UCHL5: variants seen among roughly 807,000 people sequenced by gnomAD.
UCHL5 encodes the protein ubiquitin C-terminal hydrolase L5.
UCHL5 carries 34 observed loss-of-function variants against 53.8 expected under a neutral mutation model. That is an observed-to-expected ratio of 0.63 (90% CI 0.48 to 0.84). The LOEUF is 0.84. Among genes scored for constraint, UCHL5 ranks in the 40% least tolerant of loss-of-function variants. UCHL5 has a pLI of 0.00. For synonymous variants in UCHL5, 111 were observed against 126.3 expected (o/e 0.88, Z 0.81); for missense variants, 290 against 385.6 (o/e 0.75, Z 2.08).
At chr1:193,028,472 G>A (rs1571581647) in intron 6 of UCHL5, among the ~76,000 whole-genome samples, 1 of 152,126 alleles carries the variant, frequency 6.6e-6, no homozygotes, top group Middle Eastern at 3.4e-3. Context: ...AAAGTTTTAT[G>A]AATAGCCTAT....
At chr1:193,029,733 C>A in intron 3 of UCHL5, 76 bp from the exon 4 acceptor site, 1 of 1,150,968 alleles carries the variant, frequency 8.7e-7, no homozygotes, top group Non-Finnish European at 1.2e-6. Context: ...ACAATGGCCC[C>A]AAAACATGAA....
intron 3 of UCHL5, among the ~76,000 whole-genome samples, chr1:193,047,517 T>C (rs571156912): frequency 6.6e-6 from 1 of 152,052 alleles, no homozygotes; most frequent in Non-Finnish European, 1.5e-5. Context: ...AGCAATAAAA[T>C]AAAAGAAAAA....
chr1:193,024,874 A>G (rs1658559114), intron 7 of UCHL5, among the ~76,000 whole-genome samples: 1 of 152,168 alleles, frequency 6.6e-6, no homozygotes, highest in Admixed American at 6.5e-5. Context: ...TAGTAATTTG[A>G]ACTATGTAAA....
chr1:193,033,257 C>T (rs1662138786), intron 3 of UCHL5, among the ~76,000 whole-genome samples: 1 of 152,108 alleles, frequency 6.6e-6, no homozygotes, highest in Non-Finnish European at 1.5e-5. Context: ...AACCATCATT[C>T]TCAGCAAACT....
chr1:193,039,800 C>CAA (rs1664893706), intron 3 of UCHL5, among the ~76,000 whole-genome samples: 1 of 152,136 alleles, frequency 6.6e-6, no homozygotes, highest in Non-Finnish European at 1.5e-5. Context: ...AATACAGACA[C>CAA]ATAGACCAAT....
chr1:193,035,929 T>C (rs1015866656), intron 3 of UCHL5, among the ~76,000 whole-genome samples: 1 of 152,078 alleles, frequency 6.6e-6, no homozygotes, highest in Non-Finnish European at 1.5e-5. Flanking sequence ...CTCTTTATAA[T>C]AACATGTCAT....
intron 10 of UCHL5, among the ~76,000 whole-genome samples, chr1:193,019,457 G>T (rs953405544): frequency 6.7e-4 from 102 of 151,652 alleles, no homozygotes; most frequent in African/African-American, 2.0e-3. Context: ...GAACCTAGGA[G>T]AATAATAGTT....
chr1:193,050,141 T>G (rs1668560590), intron 2 of UCHL5, among the ~76,000 whole-genome samples: 1 of 152,128 alleles, frequency 6.6e-6, no homozygotes, highest in African/African-American at 2.4e-5. Context: ...AAAATAAGAA[T>G]ATAGTAAAAC....
chr1:193,055,290 T>C (rs910006846), intron 1 of UCHL5, among the ~76,000 whole-genome samples: 1 of 152,122 alleles, frequency 6.6e-6, no homozygotes, highest in Non-Finnish European at 1.5e-5. Context: ...ATAAAGATAA[T>C]GTGTCCCTAA....
chr1:193,020,935 G>T (rs571409085), intron 10 of UCHL5, among the ~76,000 whole-genome samples, 162 bp downstream of exon 10: 126 of 151,856 alleles, frequency 8.3e-4, no homozygotes, highest in African/African-American at 2.8e-3. Flanking sequence ...AGTCTCAATT[G>T]AACTAATTCT....
At chr1:193,027,785 G>C (rs1422114514) in intron 7 of UCHL5, 1 of 632,684 alleles carries the variant, frequency 1.6e-6, no homozygotes. Flanking sequence ...ATGAAATTTA[G>C]AGATTTTCTG....
At chr1:193,019,367 A>G (rs1656046593) in intron 10 of UCHL5, among the ~76,000 whole-genome samples, 1 of 151,718 alleles carries the variant, frequency 6.6e-6, no homozygotes, top group African/African-American at 2.4e-5. Context: ...TGCCTGGAAT[A>G]TCCTCGCAGC....
chr1:193,049,080 TAG>T (rs1668222180), intron 3 of UCHL5, among the ~76,000 whole-genome samples: 1 of 152,130 alleles, frequency 6.6e-6, no homozygotes, highest in South Asian at 2.1e-4. Context: ...TTTTGTTTTA[TAG>T]AGACGGGTCT....
At chr1:193,051,687 C>T (rs1271181400) in intron 2 of UCHL5, 67 bp downstream of exon 2, 1 of 975,304 alleles carries the variant, frequency 1.0e-6, no homozygotes, top group Non-Finnish European at 1.5e-6. Flanking sequence ...ACAAACAAAT[C>T]TGAATATCCT....
At chr1:193,050,190 T>C (rs762100992) in intron 2 of UCHL5, among the ~76,000 whole-genome samples, 2 of 152,222 alleles carry the variant, frequency 1.3e-5, no homozygotes, top group Admixed American at 1.3e-4. Flanking sequence ...AAAGTTCATG[T>C]AACATGTTTA....
chr1:193,016,045 C>A lies in UCHL5; in HGVS notation c.*306G>T. The A allele has an allele frequency of 3.4e-6, 1 of 296,504 alleles. No homozygotes were observed. Among genetic ancestry groups the A allele is most frequent in the Non-Finnish European group, 6.2e-6 (1 of 161,234 alleles). The allele number at this position is 296,504 out of a possible 1,614,324, so 18.4% of individuals were successfully genotyped here. A position where few individuals can be genotyped will look rare whatever the true frequency, so the allele number is the denominator to read the frequency against. On this transcript the variant is annotated 3_prime_UTR_variant, in exon 11 of 11. Transcript: ENST00000367454. Reference sequence around the variant, plus strand: ...TATTTAAATTACAGATAAGGAATATCGTTTGTGCATTTTCTAGCTTCATAT... The same window carrying A: ...TATTTAAATTACAGATAAGGAATATAGTTTGTGCATTTTCTAGCTTCATAT...
chr1:193,059,616 G>A, upstream of UCHL5: 4 of 1,426,470 alleles, frequency 2.8e-6, no homozygotes, highest in Non-Finnish European at 2.8e-6. This position sits in a 1 kb window ranked among gnomAD's most constrained non-coding sequence, Gnocchi z 4.9. Flanking sequence ...GGCAGGACTC[G>A]TTCCCGGGAA....
At chr1:193,024,546 T>C (rs1176628055) in intron 7 of UCHL5, among the ~76,000 whole-genome samples, 1 of 149,226 alleles carries the variant, frequency 6.7e-6, no homozygotes, top group South Asian at 2.1e-4. Flanking sequence ...TGATGAACTT[T>C]CTATTTTTAA....
At chr1:193,054,106 T>C (rs1298991762) in intron 1 of UCHL5, among the ~76,000 whole-genome samples, 3 of 151,944 alleles carry the variant, frequency 2.0e-5, no homozygotes, top group East Asian at 3.9e-4. Context: ...ACCAGAACCC[T>C]GTTCCAAAGC....
Sources: allele counts gnomAD v4.1 joint callset (sites outside exome capture counted in the v4.1 genomes callset), GRCh38; gene constraint gnomAD v4.1.1; non-coding constraint Gnocchi (gnomAD v3.1); transcripts MANE v1.5; gene names NCBI Gene and HGNC (gene_info 2026-07-23, HGNC 2026-07-21).